RB1: variants seen among roughly 807,000 people sequenced by gnomAD.
The protein encoded by RB1 is RB transcriptional corepressor 1.
Under a neutral mutation model 135.4 loss-of-function variants are expected in RB1, and 18 were observed. That is an observed-to-expected ratio of 0.13 (90% CI 0.09 to 0.20). The LOEUF is 0.20. RB1 is among the 10% of genes least tolerant of loss of function. The pLI is 1.00. For synonymous variants in RB1, 365 were observed against 373.2 expected, an observed-to-expected ratio of 0.98 and a Z score of 0.25; for missense variants, 868 against 1,110.0, an observed-to-expected ratio of 0.78 and a Z score of 3.10.
At chr13:48,346,799 G>A (rs1386198939) in intron 4 of RB1, among the ~76,000 whole-genome samples, 1 of 152,032 alleles carries the variant, frequency 6.6e-6, no homozygotes, top group Non-Finnish European at 1.5e-5. Context: ...CTGGAGAGAA[G>A]TTTACCACAA....
intron 17 of RB1, among the ~76,000 whole-genome samples, chr13:48,403,151 A>G (rs1304988000): frequency 6.6e-6 from 1 of 152,176 alleles, no homozygotes; most frequent in African/African-American, 2.4e-5. Context: ...TTGATGTAAA[A>G]ACACTATTTT....
At chr13:48,324,875 T>G (rs190949097) in intron 2 of RB1, among the ~76,000 whole-genome samples, 3 of 149,446 alleles carry the variant, frequency 2.0e-5, no homozygotes, top group African/African-American at 2.5e-5. Flanking sequence ...TTTGTTTTTG[T>G]TTTTTTTTAC....
At chr13:48,375,779 A>G (rs1195690667) in intron 12 of RB1, among the ~76,000 whole-genome samples, 2 of 151,836 alleles carry the variant, frequency 1.3e-5, no homozygotes, top group Admixed American at 6.6e-5. Context: ...GTGTTTCACA[A>G]TGTTTCCCAG....
At chr13:48,344,956 GGATATAGTAGTGATT>G in intron 3 of RB1, 109 bp from the exon 4 acceptor site, 1 of 1,201,560 alleles carries the variant, frequency 8.3e-7, no homozygotes, top group Non-Finnish European at 1.2e-6. Flanking sequence ...TCCTTCCAAA[GGATATAGTAGTGATT>G]TGATGTAGAG....
chr13:48,413,363 G>T (rs576368677), intron 17 of RB1, among the ~76,000 whole-genome samples: 2 of 151,848 alleles, frequency 1.3e-5, no homozygotes, highest in African/African-American at 4.8e-5. Flanking sequence ...GTTTTGATTT[G>T]TTTCAGTAGT....
At chr13:48,424,231 G>GA (rs564021401) in intron 17 of RB1, 183 of 152,318 alleles carry the variant, frequency 1.2e-3, no homozygotes, top group African/African-American at 4.0e-3. Context: ...AGCCTAAGGA[G>GA]AAAAAATCTT....
At chr13:48,343,384 G>T (rs1047974027) in intron 3 of RB1, among the ~76,000 whole-genome samples, 7 of 151,996 alleles carry the variant, frequency 4.6e-5, no homozygotes, top group African/African-American at 1.7e-4. Flanking sequence ...CTTGAACAAA[G>T]ACATCTAGAA....
chr13:48,321,352 G>T (rs1253399451), intron 2 of RB1, among the ~76,000 whole-genome samples: 1 of 47,342 alleles, frequency 2.1e-5, no homozygotes, highest in Non-Finnish European at 4.2e-5. Flanking sequence ...CGGCTCCCGC[G>T]CGGGGAGGAG....
chr13:48,451,895 G>A (rs1243086373), intron 17 of RB1, among the ~76,000 whole-genome samples: 1 of 151,812 alleles, frequency 6.6e-6, no homozygotes, highest in Non-Finnish European at 1.5e-5. Flanking sequence ...TTTAGTTTAT[G>A]TGCATAGAGG....
chr13:48,409,269 G>T, intron 17 of RB1, among the ~76,000 whole-genome samples: 2 of 147,590 alleles, frequency 1.4e-5, no homozygotes, highest in South Asian at 2.1e-4. Context: ...GATGTATTTT[G>T]CTTTAGGTTT....
chr13:48,429,479 T>G (rs916357876), intron 17 of RB1: 3 of 152,176 alleles, frequency 2.0e-5, no homozygotes, highest in Non-Finnish European at 2.9e-5. Flanking sequence ...AGAAGGATTG[T>G]GTCTCTAGGC....
intron 17 of RB1, among the ~76,000 whole-genome samples, chr13:48,389,185 T>A (rs868812360): frequency 1.1e-4 from 17 of 151,404 alleles, no homozygotes; most frequent in African/African-American, 3.4e-4. Flanking sequence ...AAAATTAAAT[T>A]AAATTAAAAA....
intron 1 of RB1, 21 bp from the exon 2 acceptor site, chr13:48,307,259 A>G (rs2138033718): frequency 1.9e-6 from 3 of 1,587,238 alleles, no homozygotes; most frequent in Non-Finnish European, 2.6e-6. Flanking sequence ...TGCCAATTAT[A>G]TGATTATTTT....
At chr13:48,388,356 A>G (rs7329148) in intron 17 of RB1, among the ~76,000 whole-genome samples, 3,620 of 152,232 alleles carry the variant, frequency 0.024, 157 homozygotes, top group African/African-American at 0.083. Context: ...TTAAGTAATT[A>G]TAGGTCATTT....
chr13:48,420,004 T>C (rs1948980777), intron 17 of RB1, among the ~76,000 whole-genome samples: 1 of 152,022 alleles, frequency 6.6e-6, no homozygotes, highest in Admixed American at 6.6e-5. Context: ...TTCCAAGCAA[T>C]AGAAGAAAAG....
intron 17 of RB1, among the ~76,000 whole-genome samples, chr13:48,383,160 G>T (rs894025622): frequency 6.6e-6 from 1 of 152,012 alleles, no homozygotes; most frequent in East Asian, 1.9e-4. Flanking sequence ...TTATTAAAAA[G>T]TGCATTTTTT....
chr13:48,409,087 T>C (rs1428602214), intron 17 of RB1, among the ~76,000 whole-genome samples: 1 of 151,862 alleles, frequency 6.6e-6, no homozygotes. Flanking sequence ...TATATATTTC[T>C]CTTGGGATAT....
At chr13:48,426,253 T>C (rs1949077946) in intron 17 of RB1, among the ~76,000 whole-genome samples, 1 of 152,196 alleles carries the variant, frequency 6.6e-6, no homozygotes, top group Non-Finnish European at 1.5e-5. Flanking sequence ...ACATCACCTA[T>C]AATATCTTAA....
At chr13:48,317,984 C>T in intron 2 of RB1, 1 of 471,910 alleles carries the variant, frequency 2.1e-6, no homozygotes, top group Admixed American at 2.8e-5. Flanking sequence ...CAGTTCGATG[C>T]TCTCGTCACT....
Sources: allele counts gnomAD v4.1 joint callset (sites outside exome capture counted in the v4.1 genomes callset), GRCh38; gene constraint gnomAD v4.1.1; transcripts MANE v1.5; gene names NCBI Gene and HGNC (gene_info 2026-07-23, HGNC 2026-07-21).